The following CCDC141 variants were observed in gnomAD, a reference collection of about 807,000 sequenced individuals.
The protein encoded by CCDC141 is coiled-coil domain-containing protein 141.
A neutral mutation model predicts 181.0 loss-of-function variants in CCDC141; 168 were observed. The observed-to-expected ratio is 0.93, with a 90% CI of 0.82 to 1.05. The LOEUF (loss-of-function observed/expected upper bound fraction) is 1.05. Ranked by LOEUF, CCDC141 falls within the 50% of genes least tolerant of loss-of-function variation. The pLI is 0.00. For synonymous variants in CCDC141, 666 were observed against 642.3 expected (o/e 1.04, Z -0.56); for missense variants, 1,902 against 1,788.5 (o/e 1.06, Z -1.14).
intron 6 of CCDC141, among the ~76,000 whole-genome samples, chr2:178,939,857 G>A (rs745370641): frequency 7.9e-5 from 12 of 152,062 alleles, no homozygotes; most frequent in Non-Finnish European, 1.3e-4. Flanking sequence ...TCACCCACAA[G>A]GGGTAAATTA....
intron 7 of CCDC141, among the ~76,000 whole-genome samples, chr2:178,910,186 TTC>T (rs1381449531): frequency 2.6e-5 from 4 of 152,210 alleles, no homozygotes. Flanking sequence ...GCACATTTCA[TTC>T]TTTTAAAAAT....
intron 2 of CCDC141, among the ~76,000 whole-genome samples, chr2:179,039,263 G>C (rs190998888): frequency 6.6e-6 from 1 of 152,092 alleles, no homozygotes; most frequent in Non-Finnish European, 1.5e-5. Flanking sequence ...ACCAACATTA[G>C]AGGCCCTTAT....
chr2:178,931,414 AC>A, intron 6 of CCDC141, among the ~76,000 whole-genome samples: 1 of 152,312 alleles, frequency 6.6e-6, no homozygotes, highest in South Asian at 2.1e-4. Flanking sequence ...AAAGGTGAAA[AC>A]AACCCAAATG....
chr2:178,889,381 T>C (rs1027512541), intron 8 of CCDC141, among the ~76,000 whole-genome samples: 5 of 152,176 alleles, frequency 3.3e-5, no homozygotes, highest in Admixed American at 1.3e-4. Context: ...AGTTTCCTCA[T>C]ATTGTTGATG....
At chr2:178,876,840 A>C (rs927421027) in intron 12 of CCDC141, 3 of 152,204 alleles carry the variant, frequency 2.0e-5, no homozygotes, top group African/African-American at 7.2e-5. Flanking sequence ...ATAAGAAAAA[A>C]TATAAAGGCC....
rs1273383702 is a variant in CCDC141 at position 178,994,180 on chromosome 2, C to A, written c.226-15505G>T. ...TAGGTATTCTGTTTGTGGGCTCCAA[C>A]CCCACATTTCCCTTCTGCACTGCCC... is the stretch of plus-strand genomic sequence containing the variant. On this transcript the variant is annotated intron_variant, in intron 2 of 23. Transcript: ENST00000443758. Among the ~76,000 whole-genome samples, 3 of 152,330 alleles carry A rather than the reference C, an allele frequency of 2.0e-5. No individual in the cohort carries two copies. The East Asian group carries it at 5.8e-4, about 29-fold the overall frequency.
chr2:178,951,869 GAGAGTGA>G (rs1689964609), intron 5 of CCDC141, among the ~76,000 whole-genome samples: 1 of 152,204 alleles, frequency 6.6e-6, no homozygotes, highest in Non-Finnish European at 1.5e-5. Context: ...CATCACTTCT[GAGAGTGA>G]ATATGGTCAC....
rs1183164486 is a variant in CCDC141, at chr2:178,830,178, T to C, written c.*3995A>G. Reference sequence around the variant, plus strand: ...TACCGGATGATGATTTATGCCTAAGTACATATGTTTTAAAATGTTGGAACA... The same window carrying C: ...TACCGGATGATGATTTATGCCTAAGCACATATGTTTTAAAATGTTGGAACA... On this transcript the variant is annotated 3_prime_UTR_variant, in exon 24 of 24. Transcript: ENST00000443758. 6.6e-6 allele frequency: 1 copy of C among 152,260 alleles called. No homozygotes were observed. Among genetic ancestry groups the C allele is most frequent in the Admixed American group, 6.5e-5 (1 of 15,282 alleles). The allele number at this position is 152,260 out of a possible 1,614,324, so 9.4% of individuals were successfully genotyped here. A position where few individuals can be genotyped will look rare whatever the true frequency, so the allele number is the denominator to read the frequency against.
chr2:178,877,824 C>A, intron 12 of CCDC141, 140 bp downstream of exon 12: 2 of 776,072 alleles, frequency 2.6e-6, no homozygotes, highest in South Asian at 3.1e-5. Flanking sequence ...GGCTTCAGGA[C>A]TGGTCTAGGT....
chr2:178,920,285 T>G (rs1688627879), intron 6 of CCDC141, among the ~76,000 whole-genome samples: 1 of 152,204 alleles, frequency 6.6e-6, no homozygotes, highest in South Asian at 2.1e-4. Flanking sequence ...AAGTTACATT[T>G]GTTATATTAC....
At chr2:179,017,473 C>T (rs755685294) in intron 2 of CCDC141, among the ~76,000 whole-genome samples, 2 of 152,002 alleles carry the variant, frequency 1.3e-5, no homozygotes, top group Non-Finnish European at 2.9e-5. Flanking sequence ...CATTTCTGTG[C>T]CCTTCCTTAA....
Position 178,982,169 on chromosome 2 carries a change from A to G in CCDC141, c.226-3494T>C, listed in dbSNP as rs376166668. Among the ~76,000 whole-genome samples, 4 of 152,304 alleles carry G rather than the reference A, an allele frequency of 2.6e-5. No individual in the cohort carries two copies. The South Asian group carries it at 8.3e-4, about 32-fold the overall frequency. The stretch of plus-strand genomic sequence containing the variant: ...ATAATTAATAACCTTCCAAATAAGA[A>G]AGCAGTAAGCCCAGGTGACTACACT... On this transcript the variant is annotated intron_variant, in intron 2 of 23. Coordinates refer to ENST00000443758, the MANE Select transcript of CCDC141 (RefSeq NM_173648.4).
In CCDC141 at chr2:178,830,553, T is replaced by C. The variant is rs2154365128; in HGVS notation, c.*3620A>G. 6.6e-6 allele frequency: 1 copy of C among 152,182 alleles called. No individual in the cohort carries two copies. Among genetic ancestry groups the C allele is most frequent in the South Asian group, 2.1e-4 (1 of 4,814 alleles). The allele number at this position is 152,182 out of a possible 1,614,324, so 9.4% of individuals were successfully genotyped here. On this transcript the variant is annotated 3_prime_UTR_variant, in exon 24 of 24. Transcript: ENST00000443758. Reference sequence around the variant, plus strand: ...TTGGCAACAATTCAATTCAAAAGAGTTTACTGAGTGTGACTGTGTCTTAGG... The same window carrying C: ...TTGGCAACAATTCAATTCAAAAGAGCTTACTGAGTGTGACTGTGTCTTAGG...
chr2:178,872,038 G>A lies in CCDC141; in HGVS notation c.2079+95C>T. 3 of 1,198,984 alleles carry A rather than the reference G, an allele frequency of 2.5e-6. No homozygotes were observed. In the South Asian group the frequency reaches 4.5e-5, roughly 18 times the overall value. 74.3% of individuals were successfully genotyped at this position (1,198,984 alleles called of 1,614,324 possible). ...ACACGATATTTATCCTTTTGTGTTT[G>A]GCTTATTTCACTTAGCTAGTGTTTT... On this transcript the variant is annotated intron_variant, in intron 13 of 23. Transcript: ENST00000443758.
chr2:179,046,359 AC>A (rs2043497228), intron 2 of CCDC141, among the ~76,000 whole-genome samples: 1 of 152,248 alleles, frequency 6.6e-6, no homozygotes, highest in South Asian at 2.1e-4. Context: ...CAATGGGACA[AC>A]AGAGCAAGTG....
chr2:179,043,144 C>T (rs534370736), intron 2 of CCDC141, among the ~76,000 whole-genome samples: 1 of 152,256 alleles, frequency 6.6e-6, no homozygotes, highest in East Asian at 1.9e-4. Flanking sequence ...AATTCCTGGA[C>T]ACATGTACCC....
chr2:178,938,848 G>A (rs924230438), intron 6 of CCDC141, among the ~76,000 whole-genome samples: 3 of 152,074 alleles, frequency 2.0e-5, no homozygotes, highest in Non-Finnish European at 2.9e-5. Context: ...GTTTAAACCT[G>A]TTTTTCTCCA....
At chr2:178,905,855 G>C (rs1458780778) in intron 7 of CCDC141, among the ~76,000 whole-genome samples, 4 of 152,218 alleles carry the variant, frequency 2.6e-5, no homozygotes, top group Non-Finnish European at 1.5e-5. Context: ...ACAAATAATA[G>C]ATGAGTTATT....
At position 178,835,015 on chromosome 2, in the gene CCDC141, A is replaced by G. The variant is rs1684421587; in HGVS notation, c.4326-575T>C. 2.0e-5 allele frequency among the ~76,000 whole-genome samples: 3 copies of G among 152,202 alleles called. No individual in the cohort carries two copies. The South Asian group carries it at 6.2e-4, about 31-fold the overall frequency. On this transcript the variant is annotated intron_variant, in intron 23 of 23. Transcript: ENST00000443758. ...ATATCCAGCTACCCCTAAAAACAAA[A>G]ACAAAAACAAAGCAGACCATTTGGT...
Sources: allele counts gnomAD v4.1 joint callset (sites outside exome capture counted in the v4.1 genomes callset), GRCh38; gene constraint gnomAD v4.1.1; transcripts MANE v1.5; gene names NCBI Gene and HGNC (gene_info 2026-07-23, HGNC 2026-07-21).